FAF1: variants seen among roughly 807,000 people sequenced by gnomAD.
FAF1 encodes the protein FAS-associated factor 1.
Under a neutral mutation model 92.5 loss-of-function variants are expected in FAF1, and 25 were observed. That is an observed-to-expected ratio of 0.27 (90% CI 0.20 to 0.38). FAF1 has a LOEUF of 0.38. Ranked by LOEUF, FAF1 falls within the 10% of genes least tolerant of loss-of-function variation. The pLI, the probability that FAF1 is intolerant of heterozygous loss-of-function variation, is 1.00. For missense variants in FAF1, 636 were observed against 793.3 expected (o/e 0.80, Z 2.38); for synonymous variants, 234 against 273.2 (o/e 0.86, Z 1.42).
chr1:50,659,966 T>C (rs533844444), intron 7 of FAF1, among the ~76,000 whole-genome samples: 137 of 152,324 alleles, frequency 9.0e-4, no homozygotes, highest in Admixed American at 1.8e-3. Flanking sequence ...TTATATACTA[T>C]AATTAATGTG....
intron 4 of FAF1, among the ~76,000 whole-genome samples, chr1:50,760,376 G>A (rs1660275420): frequency 6.6e-6 from 1 of 152,090 alleles, no homozygotes; most frequent in Non-Finnish European, 1.5e-5. Context: ...CAAATCAACA[G>A]AACATACATT....
chr1:50,840,837 A>C (rs184731401), intron 2 of FAF1, among the ~76,000 whole-genome samples: 1 of 152,164 alleles, frequency 6.6e-6, no homozygotes, highest in African/African-American at 2.4e-5. Context: ...TGGTAAAGAA[A>C]AATTACAGAG....
Position 50,827,500 on chromosome 1 carries a change from G to A in FAF1, c.115-25823C>T, listed in dbSNP as rs182070765. On this transcript the variant is annotated intron_variant, in intron 2 of 18. Coordinates refer to ENST00000396153, the MANE Select transcript of FAF1 (RefSeq NM_007051.3). ...AGGGTCACAAACACTGCGGAAGGCC[G>A]CAGGGACCTCTGCCTAGGAAAACCA... Among the ~76,000 whole-genome samples, 19 of 152,220 alleles carry A rather than the reference G, an allele frequency of 1.2e-4. No individual in the cohort carries two copies. In the South Asian group the frequency reaches 1.9e-3, roughly 15 times the overall value.
chr1:50,500,262 T>C (rs1646968275), intron 15 of FAF1, among the ~76,000 whole-genome samples: 1 of 152,174 alleles, frequency 6.6e-6, no homozygotes, highest in African/African-American at 2.4e-5. Context: ...GATTTCAAGA[T>C]TTATTACAAA....
At chr1:50,931,920 A>G (rs1645051366) in intron 1 of FAF1, among the ~76,000 whole-genome samples, 1 of 140,292 alleles carries the variant, frequency 7.1e-6, no homozygotes, top group Non-Finnish European at 1.6e-5. Flanking sequence ...AATAATAATA[A>G]TAATAATAGC....
At chr1:50,573,290 G>A (rs1361012604) in intron 12 of FAF1, among the ~76,000 whole-genome samples, 1 of 151,924 alleles carries the variant, frequency 6.6e-6, no homozygotes, top group Non-Finnish European at 1.5e-5. Context: ...GTAGAGATGG[G>A]GTTTCACCAT....
At chr1:50,784,343 T>G (rs1362917453) in intron 4 of FAF1, among the ~76,000 whole-genome samples, 1 of 152,024 alleles carries the variant, frequency 6.6e-6, no homozygotes, top group Non-Finnish European at 1.5e-5. Flanking sequence ...AATTCATCAA[T>G]CTTTTATAAG....
chr1:50,709,135 A>C (rs1310224628), intron 6 of FAF1, among the ~76,000 whole-genome samples: 1 of 152,198 alleles, frequency 6.6e-6, no homozygotes, highest in Non-Finnish European at 1.5e-5. Context: ...CTTGTCTGAC[A>C]TCCCCTCATG....
At chr1:50,810,404 A>G (rs1412548203) in intron 2 of FAF1, among the ~76,000 whole-genome samples, 1 of 152,222 alleles carries the variant, frequency 6.6e-6, no homozygotes, top group Non-Finnish European at 1.5e-5. Context: ...AACCCTCAAC[A>G]AACTAGGCAC....
chr1:50,646,459 G>A lies in FAF1; in HGVS notation c.744+8983C>T, dbSNP rs536063218. 7.2e-5 allele frequency among the ~76,000 whole-genome samples: 11 copies of A among 152,184 alleles called. No homozygotes were observed. The South Asian group carries it at 2.3e-3, about 32-fold the overall frequency. ...TATTGCCATAGATGTCAACTTTGTG[G>A]AGCACTGAACAATTTAAATAAATGA... On this transcript the variant is annotated intron_variant, in intron 8 of 18. Transcript: ENST00000396153.
chr1:50,560,717 T>C (rs1649863253), intron 13 of FAF1, among the ~76,000 whole-genome samples: 3 of 152,252 alleles, frequency 2.0e-5, no homozygotes, highest in Admixed American at 2.0e-4. Flanking sequence ...TCAAATTCAA[T>C]GTTTGATTCT....
At chr1:50,467,251 G>C (rs972992848) in intron 18 of FAF1, among the ~76,000 whole-genome samples, 1 of 152,180 alleles carries the variant, frequency 6.6e-6, no homozygotes, top group Non-Finnish European at 1.5e-5. Flanking sequence ...TATAAGGTGA[G>C]ATGAATAAAT....
At position 50,857,914 on chromosome 1, in the gene FAF1, G is replaced by GA; in HGVS notation, c.114+14dup. 6.5e-7 allele frequency: 1 copy of GA among 1,542,634 alleles called. No homozygotes were observed. Among genetic ancestry groups the GA allele is most frequent in the South Asian group, 1.2e-5 (1 of 82,768 alleles). ...AAAATTTGATTACTCATCAGAGAAA[G>GA]AAAAAAGTACTTACCACTAAGTCCC... On this transcript the variant is annotated intron_variant, in intron 2 of 18. Coordinates refer to ENST00000396153, the MANE Select transcript of FAF1 (RefSeq NM_007051.3).
At chr1:50,800,568 C>T (rs767452125) in intron 3 of FAF1, among the ~76,000 whole-genome samples, 7 of 152,124 alleles carry the variant, frequency 4.6e-5, no homozygotes, top group Non-Finnish European at 8.8e-5. Context: ...ATCTTTCTGA[C>T]AGTTTAGAAG....
At chr1:50,864,093 T>G (rs1644459906) in intron 1 of FAF1, among the ~76,000 whole-genome samples, 1 of 151,868 alleles carries the variant, frequency 6.6e-6, no homozygotes, top group South Asian at 2.1e-4. Flanking sequence ...TTCTTCTCTC[T>G]TTTCTTCTTT....
chr1:50,673,645 A>G (rs1557468172), intron 7 of FAF1, among the ~76,000 whole-genome samples: 1 of 152,202 alleles, frequency 6.6e-6, no homozygotes, highest in East Asian at 1.9e-4. Flanking sequence ...CTTGACAGTC[A>G]TTCTTTATTT....
chr1:50,602,890 A>G (rs1467013100), intron 8 of FAF1, among the ~76,000 whole-genome samples: 1 of 152,136 alleles, frequency 6.6e-6, no homozygotes, highest in Non-Finnish European at 1.5e-5. Context: ...TGCTACTATT[A>G]AGAGCTCAGT....
chr1:50,684,257 CTTTTT>C (rs756495229), intron 7 of FAF1, among the ~76,000 whole-genome samples: 1 of 114,432 alleles, frequency 8.7e-6, no homozygotes, highest in Non-Finnish European at 1.8e-5. Flanking sequence ...TTCCAACAGA[CTTTTT>C]TTTTTTTTTT....
intron 8 of FAF1, among the ~76,000 whole-genome samples, chr1:50,615,058 C>T (rs1359142272): frequency 6.6e-6 from 1 of 152,100 alleles, no homozygotes; most frequent in Non-Finnish European, 1.5e-5. Flanking sequence ...CTCTAGTAGT[C>T]CACAGTGTCT....
Sources: gnomAD v4.1 joint callset for allele counts (sites outside exome capture counted in the v4.1 genomes callset) on GRCh38, gnomAD v4.1.1 for gene constraint, MANE v1.5 for transcripts, NCBI Gene and HGNC (gene_info 2026-07-23, HGNC 2026-07-21) for gene names.